The following SGCZ variants were observed in gnomAD, a reference collection of about 807,000 sequenced individuals.
SGCZ encodes the protein sarcoglycan zeta, also known as zeta-sarcoglycan.
SGCZ carries 40 observed loss-of-function variants against 41.3 expected under a neutral mutation model. The observed-to-expected ratio is 0.97, with a 90% CI of 0.75 to 1.26. The LOEUF (loss-of-function observed/expected upper bound fraction) is 1.26. SGCZ is among the 50% of genes most tolerant of loss of function. The probability of loss-of-function intolerance (pLI) is 0.00; values close to 1 mark genes in which losing one functional copy is unlikely to be tolerated. For missense variants in SGCZ, 552 were observed against 369.8 expected (o/e 1.49, Z -4.04); for synonymous variants, 206 against 137.5 (o/e 1.50, Z -3.49).
chr8:14,851,460 T>C (rs1469876993), intron 1 of SGCZ, among the ~76,000 whole-genome samples: 1 of 150,580 alleles, frequency 6.6e-6, no homozygotes, highest in East Asian at 2.0e-4. Flanking sequence ...AAGAAATTAA[T>C]ACACTGATAT....
intron 2 of SGCZ, among the ~76,000 whole-genome samples, chr8:14,404,176 A>C (rs994718304): frequency 1.3e-5 from 2 of 152,146 alleles, no homozygotes; most frequent in East Asian, 3.9e-4. Flanking sequence ...TCACATACTT[A>C]GACTAAGCTG....
intron 1 of SGCZ, among the ~76,000 whole-genome samples, chr8:14,776,746 G>A (rs971600854): frequency 6.6e-6 from 1 of 152,030 alleles, no homozygotes; most frequent in South Asian, 2.1e-4. Context: ...GCCCACCTGG[G>A]CCTCCCAAAG....
chr8:15,235,029 A>G (rs949976045), intron 1 of SGCZ, among the ~76,000 whole-genome samples: 1 of 152,204 alleles, frequency 6.6e-6, no homozygotes, highest in African/African-American at 2.4e-5. Flanking sequence ...GCATTATTAG[A>G]TGATAAGAAA....
chr8:14,990,864 C>T (rs1801991606), intron 1 of SGCZ, among the ~76,000 whole-genome samples: 1 of 151,968 alleles, frequency 6.6e-6, no homozygotes, highest in South Asian at 2.1e-4. Context: ...GAAAGGAGTG[C>T]AATTCAAATT....
At chr8:14,175,641 T>C (rs985175349) in intron 4 of SGCZ, among the ~76,000 whole-genome samples, 3 of 151,396 alleles carry the variant, frequency 2.0e-5, no homozygotes, top group Non-Finnish European at 3.0e-5. Flanking sequence ...ACACTATTAA[T>C]AAAAACAACA....
chr8:14,541,531 T>A (rs913050798), intron 2 of SGCZ, among the ~76,000 whole-genome samples: 3 of 152,170 alleles, frequency 2.0e-5, no homozygotes, highest in Non-Finnish European at 2.9e-5. Flanking sequence ...ATTTTCTTTA[T>A]CCAGTCTATC....
intron 1 of SGCZ, among the ~76,000 whole-genome samples, chr8:14,613,476 T>C (rs530671337): frequency 1.3e-5 from 2 of 152,268 alleles, no homozygotes; most frequent in Admixed American, 1.3e-4. Flanking sequence ...TAACTTGAAC[T>C]GAAATGTATT....
intron 3 of SGCZ, among the ~76,000 whole-genome samples, chr8:14,322,768 T>C (rs1563256689): frequency 6.6e-6 from 1 of 152,136 alleles, no homozygotes; most frequent in African/African-American, 2.4e-5. Context: ...TTGATTTCCA[T>C]GTATAAGTTT....
intron 1 of SGCZ, among the ~76,000 whole-genome samples, chr8:15,179,725 G>C (rs1046740879): frequency 7.2e-5 from 11 of 152,170 alleles, no homozygotes; most frequent in Admixed American, 1.3e-4. Flanking sequence ...CCTCAAAAAA[G>C]TAATTCTGCC....
chr8:14,683,917 A>G (rs1808525767), intron 1 of SGCZ, among the ~76,000 whole-genome samples: 1 of 152,134 alleles, frequency 6.6e-6, no homozygotes, highest in African/African-American at 2.4e-5. Flanking sequence ...CAATCTTAAG[A>G]TGCATGATTT....
intron 5 of SGCZ, among the ~76,000 whole-genome samples, chr8:14,160,049 G>A (rs748800107): frequency 1.2e-4 from 19 of 152,106 alleles, no homozygotes; most frequent in Non-Finnish European, 2.2e-4. Context: ...CTAGGGCACT[G>A]GGTAGATGCA....
At chr8:14,579,058 C>T (rs969293294) in intron 1 of SGCZ, among the ~76,000 whole-genome samples, 1 of 152,002 alleles carries the variant, frequency 6.6e-6, no homozygotes, top group Non-Finnish European at 1.5e-5. Flanking sequence ...ATTATTTGCA[C>T]AAAGTAAGCT....
intron 1 of SGCZ, among the ~76,000 whole-genome samples, chr8:15,000,227 G>C (rs1802367773): frequency 6.6e-6 from 1 of 152,068 alleles, no homozygotes; most frequent in Admixed American, 6.5e-5. Context: ...CCTTGATCTT[G>C]GACTTCCAGC....
intron 1 of SGCZ, among the ~76,000 whole-genome samples, chr8:14,874,804 C>T (rs56161037): frequency 0.037 from 5,657 of 152,136 alleles, 154 homozygotes; most frequent in African/African-American, 0.069. Flanking sequence ...AACATGGCTC[C>T]CAAGATTTTC....
intron 1 of SGCZ, among the ~76,000 whole-genome samples, chr8:14,668,907 CAGTT>C (rs1808003938): frequency 7.1e-6 from 1 of 140,186 alleles, no homozygotes; most frequent in African/African-American, 2.8e-5. Context: ...ATCTACCACT[CAGTT>C]ATTTTCTTGT....
At chr8:14,965,396 C>T (rs528737742) in intron 1 of SGCZ, among the ~76,000 whole-genome samples, 66 of 151,902 alleles carry the variant, frequency 4.3e-4, no homozygotes, top group East Asian at 2.5e-3. Context: ...ACATGAAAGA[C>T]GGAAAGTAAA....
chr8:14,792,041 G>A (rs1800973053), intron 1 of SGCZ, among the ~76,000 whole-genome samples: 1 of 152,130 alleles, frequency 6.6e-6, no homozygotes. Context: ...TCAGTAGTGT[G>A]ATTAAAAACA....
intron 1 of SGCZ, among the ~76,000 whole-genome samples, chr8:15,060,420 C>A (rs1211694720): frequency 6.8e-6 from 1 of 147,162 alleles, no homozygotes; most frequent in Non-Finnish European, 1.5e-5. Context: ...ATCACAAGGA[C>A]AGAAAACCAA....
At chr8:14,219,411 A>T (rs1054555372) in intron 4 of SGCZ, among the ~76,000 whole-genome samples, 2 of 152,168 alleles carry the variant, frequency 1.3e-5, no homozygotes, top group African/African-American at 4.8e-5. Context: ...CCAAATTCTA[A>T]TCCAGACAAT....
Sources: allele counts gnomAD v4.1 joint callset (sites outside exome capture counted in the v4.1 genomes callset), GRCh38; gene constraint gnomAD v4.1.1; transcripts MANE v1.5; gene names NCBI Gene and HGNC (gene_info 2026-07-23, HGNC 2026-07-21).